CPE: variants seen among roughly 807,000 people sequenced by gnomAD.
CPE encodes carboxypeptidase E.
In CPE, 17 loss-of-function variants were observed where a neutral mutation model predicts 53.5. The observed-to-expected ratio is 0.32, with a 90% CI of 0.22 to 0.48. The LOEUF is 0.48. Ranked by LOEUF, CPE falls within the 20% of genes least tolerant of loss-of-function variation. CPE has a pLI of 0.99. For missense variants in CPE, 524 were observed against 614.7 expected, an observed-to-expected ratio of 0.85 and a Z score of 1.56; for synonymous variants, 226 against 228.8, an observed-to-expected ratio of 0.99 and a Z score of 0.11.
intron 1 of CPE, among the ~76,000 whole-genome samples, chr4:165,430,971 G>A (rs72703653): frequency 0.042 from 6,377 of 152,214 alleles, 217 homozygotes; most frequent in East Asian, 0.15. Context: ...CCAGATTTCT[G>A]CTCTTGTCTT....
At chr4:165,384,585 C>T (rs551552000) in intron 1 of CPE, among the ~76,000 whole-genome samples, 1 of 152,326 alleles carries the variant, frequency 6.6e-6, no homozygotes, top group South Asian at 2.1e-4. Context: ...CACTGCACTC[C>T]AGCCTGGGCG....
intron 1 of CPE, among the ~76,000 whole-genome samples, chr4:165,384,882 CT>C (rs35526235): frequency 2.0e-5 from 3 of 152,060 alleles, no homozygotes; most frequent in African/African-American, 7.2e-5. Context: ...GTAGAGTAGG[CT>C]TTTAAGTTTT....
At chr4:165,468,151 T>G (rs181942021) in intron 3 of CPE, among the ~76,000 whole-genome samples, 1 of 152,212 alleles carries the variant, frequency 6.6e-6, no homozygotes, top group Non-Finnish European at 1.5e-5. Context: ...TTTGATCAGC[T>G]CCTCCTGCCA....
chr4:165,413,961 G>A (rs1731082873), intron 1 of CPE, among the ~76,000 whole-genome samples: 1 of 152,122 alleles, frequency 6.6e-6, no homozygotes, highest in South Asian at 2.1e-4. Context: ...CATTTGACGA[G>A]TATTCTATTT....
chr4:165,484,386 T>G, intron 4 of CPE, 36 bp from the exon 5 acceptor site: 1 of 1,588,702 alleles, frequency 6.3e-7, no homozygotes, highest in Non-Finnish European at 8.6e-7. Flanking sequence ...GCTTGGTCTG[T>G]GTCTGTTTCT....
rs1346652947 is a variant in CPE, at chr4:165,379,643, A to G, written c.307+115A>G. 5 of 1,033,940 alleles carry G rather than the reference A, an allele frequency of 4.8e-6. No homozygotes were observed. The highest frequency in any genetic ancestry group is 6.7e-6 in the Non-Finnish European group (5 of 751,808). 64.0% of individuals were successfully genotyped at this position (1,033,940 alleles called of 1,614,324 possible). A position where few individuals can be genotyped will look rare whatever the true frequency, so the allele number is the denominator to read the frequency against. Reference sequence around the variant, plus strand: ...GATGGGCCCAGGGGTGCCTCTTGGTAAAAGGTATCTAAGGTGGAAGGTGGG... The same window carrying G: ...GATGGGCCCAGGGGTGCCTCTTGGTGAAAGGTATCTAAGGTGGAAGGTGGG... On this transcript the variant is annotated intron_variant, in intron 1 of 8. Coordinates refer to ENST00000402744, the MANE Select transcript of CPE (RefSeq NM_001873.4). The surrounding 1 kb of genome is among the most constrained non-coding windows in gnomAD (Gnocchi z 6.0).
At position 165,467,827 on chromosome 4, in the gene CPE, T is replaced by A. The variant is rs756549147; in HGVS notation, c.644T>A (p.Met215Lys). ...GGPNNHLLKN[M>K]KKIVDQNTKL... The stretch of plus-strand genomic sequence containing the variant: ...CCAAATAATCATCTGTTGAAAAATA[T>A]GAAGAAAATTGTGGATCAAAACACA... Residue 215 changes from methionine (M) to lysine (K), a missense_variant, in exon 3 of 9, where the codon ATG becomes AAG. Physicochemically the swap from Met to Lys is moderately conservative, Grantham distance 95 (BLOSUM62 -1). Transcript: ENST00000402744. The A allele has an allele frequency of 1.9e-6, 3 of 1,613,750 alleles. No homozygotes were observed. Among genetic ancestry groups the A allele is most frequent in the Non-Finnish European group, 2.5e-6 (3 of 1,179,820 alleles).
intron 1 of CPE, among the ~76,000 whole-genome samples, chr4:165,411,470 G>T (rs570676227): frequency 1.3e-5 from 2 of 152,222 alleles, no homozygotes; most frequent in Admixed American, 6.5e-5. Flanking sequence ...TACACAGTTG[G>T]TAAATCAGTG....
chr4:165,492,546 C>T (rs1732625614), intron 6 of CPE, among the ~76,000 whole-genome samples: 1 of 152,102 alleles, frequency 6.6e-6, no homozygotes, highest in South Asian at 2.1e-4. Flanking sequence ...TTGCAAAAAC[C>T]CAGCTCCCTG....
At chr4:165,485,188 G>A (rs1013560183) in intron 5 of CPE, among the ~76,000 whole-genome samples, 1 of 152,142 alleles carries the variant, frequency 6.6e-6, no homozygotes, top group African/African-American at 2.4e-5. Flanking sequence ...TTCCTAGGTA[G>A]CCAAGGAAGC....
intron 1 of CPE, among the ~76,000 whole-genome samples, chr4:165,416,933 G>T (rs1560875407): frequency 6.6e-6 from 1 of 151,938 alleles, no homozygotes; most frequent in Non-Finnish European, 1.5e-5. Flanking sequence ...AATGGAATTT[G>T]GTAAAAAAGA....
chr4:165,404,248 T>G lies in CPE; in HGVS notation c.307+24720T>G, dbSNP rs538302122. Reference sequence around the variant, plus strand: ...GTGGGAAGCTGAGCCCGAAGACGGCTCCAATGTCTCCCTCTGCAGGTGTGG... The same window carrying G: ...GTGGGAAGCTGAGCCCGAAGACGGCGCCAATGTCTCCCTCTGCAGGTGTGG... On this transcript the variant is annotated intron_variant, in intron 1 of 8. Coordinates refer to ENST00000402744, the MANE Select transcript of CPE (RefSeq NM_001873.4). 4 of 765,040 alleles carry G rather than the reference T, an allele frequency of 5.2e-6. No homozygotes were observed. The South Asian group carries it at 5.4e-5, about 10-fold the overall frequency. The allele number at this position is 765,040 out of a possible 1,614,324, so 47.4% of individuals were successfully genotyped here.
In CPE at chr4:165,473,071, TTAGGAG is replaced by T. The variant is rs377468782; in HGVS notation, c.672+5218_672+5223del. Among the ~76,000 whole-genome samples, 556 of 152,286 alleles carry T rather than the reference TTAGGAG, an allele frequency of 3.7e-3. 2 individuals carry two copies. Among genetic ancestry groups the T allele is most frequent in the African/African-American group, 0.012 (515 of 41,562 alleles). On this transcript the variant is annotated intron_variant, in intron 3 of 8. Transcript: ENST00000402744. ...GCTTTAAAGGCAGCAAGTTGTACAG[TTAGGAG>T]TCAAAGTAGCAGTTTATGAAGCATT...
rs538030131 is a variant in CPE at position 165,451,925 on chromosome 4, A to G, written c.308-12465A>G. Among the ~76,000 whole-genome samples the G allele has an allele frequency of 1.3e-3, 193 of 146,094 alleles. 2 individuals are homozygous for G. The highest frequency in any genetic ancestry group is 4.5e-3 in the African/African-American group (175 of 39,264). The stretch of plus-strand genomic sequence containing the variant: ...CCCTAAGCCACGTACCGCCCCCCCA[A>G]CCCCCGTTTTTTTTTTCGTTTTTTT... On this transcript the variant is annotated intron_variant, in intron 1 of 8. Coordinates refer to ENST00000402744, the MANE Select transcript of CPE (RefSeq NM_001873.4).
At chr4:165,412,527 C>T (rs1469368453) in intron 1 of CPE, among the ~76,000 whole-genome samples, 4 of 152,122 alleles carry the variant, frequency 2.6e-5, no homozygotes, top group Non-Finnish European at 5.9e-5. Flanking sequence ...GATTAGGAAA[C>T]TGAGGCACAG....
chr4:165,472,487 T>C (rs1048655151), intron 3 of CPE, among the ~76,000 whole-genome samples: 2 of 152,226 alleles, frequency 1.3e-5, no homozygotes, highest in African/African-American at 4.8e-5. Context: ...TGACAATGTA[T>C]ACTAAGTTAT....
At chr4:165,494,669 C>T (rs1677035385) in intron 7 of CPE, among the ~76,000 whole-genome samples, 1 of 152,126 alleles carries the variant, frequency 6.6e-6, no homozygotes, top group South Asian at 2.1e-4. Flanking sequence ...AAGAACCATT[C>T]TGAGATTGAG....
chr4:165,447,392 G>A (rs1255251644), intron 1 of CPE, among the ~76,000 whole-genome samples: 13 of 152,112 alleles, frequency 8.5e-5, no homozygotes, highest in Admixed American at 3.3e-4. Context: ...CCAACATGGC[G>A]AAACCCCGTC....
At chr4:165,494,256 C>A (rs888443138) in intron 7 of CPE, among the ~76,000 whole-genome samples, 4 of 152,208 alleles carry the variant, frequency 2.6e-5, no homozygotes, top group South Asian at 2.1e-4. Context: ...CACAAGAAAC[C>A]TGTTAGCCCT....
Sources: allele counts gnomAD v4.1 joint callset (sites outside exome capture counted in the v4.1 genomes callset), GRCh38; gene constraint gnomAD v4.1.1; non-coding constraint Gnocchi (gnomAD v3.1); transcripts MANE v1.5; gene names NCBI Gene and HGNC (gene_info 2026-07-23, HGNC 2026-07-21).